TRPV3: variants seen among roughly 807,000 people sequenced by gnomAD.
TRPV3 encodes VRL-3.
In TRPV3, 88 loss-of-function variants were observed where a neutral mutation model predicts 87.1. The ratio of observed to expected loss-of-function variants is 1.01; its 90% confidence interval spans 0.85 to 1.21. TRPV3 has a LOEUF of 1.21. TRPV3 is among the 50% of genes most tolerant of loss of function. The pLI, the probability that TRPV3 is intolerant of heterozygous loss-of-function variation, is 0.00. For missense variants in TRPV3, 1,054 were observed against 1,030.1 expected (o/e 1.02, Z -0.32); for synonymous variants, 438 against 423.3 (o/e 1.03, Z -0.43).
chr17:3,536,260 G>C (rs1447930977), intron 6 of TRPV3, among the ~76,000 whole-genome samples: 1 of 148,956 alleles, frequency 6.7e-6, no homozygotes, highest in Non-Finnish European at 1.5e-5. Flanking sequence ...GGTGTTTTCA[G>C]ACCTCTCTGG....
At chr17:3,516,294 C>T (rs2074182710) in intron 16 of TRPV3, among the ~76,000 whole-genome samples, 163 bp downstream of exon 16, 1 of 152,168 alleles carries the variant, frequency 6.6e-6, no homozygotes, top group Non-Finnish European at 1.5e-5. Flanking sequence ...GGGCCTGCAA[C>T]CCCATAAGCA....
intron 1 of TRPV3, among the ~76,000 whole-genome samples, chr17:3,555,547 G>A (rs1241299247): frequency 6.6e-6 from 1 of 152,192 alleles, no homozygotes; most frequent in Non-Finnish European, 1.5e-5. Context: ...GCAGGGAGCA[G>A]CTGAGTCCCC....
In TRPV3 at chr17:3,543,493, G is replaced by A; in HGVS notation, c.447C>T (p.Arg149=). 6.2e-7 allele frequency: 1 copy of A among 1,613,444 alleles called. No individual in the cohort carries two copies. Among genetic ancestry groups the A allele is most frequent in the Non-Finnish European group, 8.5e-7 (1 of 1,179,992 alleles). ...LVELQELCRR[R]HDEDVPDFLM... The stretch of plus-strand genomic sequence containing the variant: ...ACTCACCAGGCACATCCTCATCATG[G>A]CGCCGCCTGCAAAGCTCCTGCAGCT... The change falls in exon 5 of 18, where the codon CGC becomes CGT. Residue 149 remains arginine (R), a synonymous_variant. Coordinates refer to ENST00000576742, the MANE Select transcript of TRPV3 (RefSeq NM_145068.4).
chr17:3,513,989 A>C lies in TRPV3; in HGVS notation c.2301T>G (p.Ser767=). Residue 767 remains serine (S), a synonymous_variant, in exon 18 of 18, where the codon TCT becomes TCG. Transcript: ENST00000576742. ...RRTDFNKIQD[S]SRNNSKTTLN... ...GAGTGGTTTTGCTGTTGTTCCTGGA[A>C]GAATCTTGGATTTTGTTGAAATCTG... is the stretch of plus-strand genomic sequence containing the variant. 1.2e-6 allele frequency: 2 copies of C among 1,613,972 alleles called. No homozygotes were observed. The highest frequency in any genetic ancestry group is 8.5e-7 in the Non-Finnish European group (1 of 1,179,898).
chr17:3,530,312 G>T lies in TRPV3; in HGVS notation c.1066-109C>A. ...CCCAGGGGATACACCCGCCCAGAAT[G>T]GGTGGAGACCTGCCTCTGCGCCTGG... On this transcript the variant is annotated intron_variant, in intron 8 of 17. Transcript: ENST00000576742. This position sits in a 1 kb window ranked among gnomAD's most constrained non-coding sequence, Gnocchi z 4.0. The T allele has an allele frequency of 8.9e-7, 1 of 1,120,930 alleles. No individual in the cohort carries two copies. Among genetic ancestry groups the T allele is most frequent in the Non-Finnish European group, 1.3e-6 (1 of 799,744 alleles). The allele number at this position is 1,120,930 out of a possible 1,614,324, so 69.4% of individuals were successfully genotyped here. A position where few individuals can be genotyped will look rare whatever the true frequency, so the allele number is the denominator to read the frequency against.
At chr17:3,551,311 C>G (rs1003670643) in intron 2 of TRPV3, among the ~76,000 whole-genome samples, 2 of 152,212 alleles carry the variant, frequency 1.3e-5, no homozygotes, top group African/African-American at 4.8e-5. Flanking sequence ...CCGTGAAGGT[C>G]TGTCCTGCGC....
At chr17:3,544,995 C>CA (rs1282599146) in intron 3 of TRPV3, among the ~76,000 whole-genome samples, 172 bp downstream of exon 3, 3 of 152,194 alleles carry the variant, frequency 2.0e-5, no homozygotes, top group Admixed American at 2.0e-4. Flanking sequence ...GCCTGGGCAA[C>CA]AGAGCGACAT....
chr17:3,548,270 G>A (rs1274498370), intron 2 of TRPV3, among the ~76,000 whole-genome samples: 1 of 152,178 alleles, frequency 6.6e-6, no homozygotes, highest in Middle Eastern at 3.2e-3. Flanking sequence ...AGCAGGAAAG[G>A]GACTGTGGCC....
In TRPV3 at chr17:3,554,786, T is replaced by A. The variant is rs1475037351; in HGVS notation, c.65A>T (p.Asn22Ile). Residue 22 changes from asparagine (N) to isoleucine (I), a missense_variant, in exon 2 of 18, where the codon AAC (asparagine) becomes ATC (isoleucine). Transcript: ENST00000576742. ...CCTCTTCTCTGGCAGGATGGCAGGGTTCCCACTGGGGGCAGCAACTCTCTT... is the reference window on the plus strand; with the variant it reads ...CCTCTTCTCTGGCAGGATGGCAGGGATCCCACTGGGGGCAGCAACTCTCTT... ...MGKRVAAPSG[N>I]PAILPEKRPA... The A allele has an allele frequency of 6.2e-7, 1 of 1,612,704 alleles. No individual in the cohort carries two copies. Among genetic ancestry groups the A allele is most frequent in the Non-Finnish European group, 8.5e-7 (1 of 1,179,576 alleles).
rs2074360036 is a variant in TRPV3, at chr17:3,532,725, G to A, written c.997C>T (p.Leu333=). The stretch of plus-strand genomic sequence containing the variant: ...CCATCGTTGTTGCGAGTGGTCTCCA[G>A]CTCCCAGTTGCCACTCCGCAGTAGG... ...MILLRSGNWE[L]ETTRNNDGLT... The change falls in exon 8 of 18, where the codon CTG becomes TTG. Residue 333 remains leucine, a synonymous_variant. Transcript: ENST00000576742. 1.2e-6 allele frequency: 2 copies of A among 1,614,154 alleles called. No homozygotes were observed. The highest frequency in any genetic ancestry group is 1.6e-4 in the Middle Eastern group (1 of 6,084).
rs925102 is a variant in TRPV3 at position 3,519,072 on chromosome 17, C to A, written c.1811-222G>T. ...CTAACAAAGCCCAGAGTCTTCTCTC[C>A]TTCCTTTACCCCGCAGTCTGCCCTT... On this transcript the variant is annotated intron_variant, in intron 14 of 17. Coordinates refer to ENST00000576742, the MANE Select transcript of TRPV3 (RefSeq NM_145068.4). 0.37 allele frequency among the ~76,000 whole-genome samples: 56,709 copies of A among 152,164 alleles called. 11,800 individuals are homozygous for A. The highest frequency in any genetic ancestry group is 0.47 in the Non-Finnish European group (31,885 of 67,998).
rs2074204019 is a variant in TRPV3 at position 3,518,519 on chromosome 17, A to C, written c.2085+57T>G. On this transcript the variant is annotated intron_variant, in intron 15 of 17. Coordinates refer to ENST00000576742, the MANE Select transcript of TRPV3 (RefSeq NM_145068.4). The surrounding 1 kb of genome is among the most constrained non-coding windows in gnomAD (Gnocchi z 4.3). ...CTGGTGCTGACAGTAGTCAATGACC[A>C]CGTGCTGAACTGAGTCCCGTGGAGG... is the stretch of plus-strand genomic sequence containing the variant. 34 of 1,501,624 alleles carry C rather than the reference A, an allele frequency of 2.3e-5. No homozygotes were observed. The South Asian group carries it at 4.6e-4, about 20-fold the overall frequency. The allele number at this position is 1,501,624 out of a possible 1,614,324, so 93.0% of individuals were successfully genotyped here.
At position 3,556,201 on chromosome 17, in the gene TRPV3, T is replaced by C. The variant is rs1432220430; in HGVS notation, c.-2-1349A>G. 8.8e-6 allele frequency among the ~76,000 whole-genome samples: 1 copy of C among 113,538 alleles called. No homozygotes were observed. The highest frequency in any genetic ancestry group is 2.9e-5 in the African/African-American group (1 of 34,954). The allele number at this position is 113,538 out of a possible 152,430, so 74.5% of individuals were successfully genotyped here. A position where few individuals can be genotyped will look rare whatever the true frequency, so the allele number is the denominator to read the frequency against. On this transcript the variant is annotated intron_variant, in intron 1 of 17. Transcript: ENST00000576742. The surrounding 1 kb of genome is among the most constrained non-coding windows in gnomAD (Gnocchi z 4.2). Reference sequence around the variant, plus strand: ...CAAAAAAAATGAAAAAAAAAAAAAATAAAGTTTTTATTAAACATAAAAAAG... The same window carrying C: ...CAAAAAAAATGAAAAAAAAAAAAAACAAAGTTTTTATTAAACATAAAAAAG...
At chr17:3,525,747 G>A (rs1878336322) in intron 12 of TRPV3, among the ~76,000 whole-genome samples, 1 of 151,798 alleles carries the variant, frequency 6.6e-6, no homozygotes, top group African/African-American at 2.4e-5. Flanking sequence ...AGCCTCCAGA[G>A]TAGCTGGGAT....
At chr17:3,515,522 G>T (rs1455893474) in intron 16 of TRPV3, among the ~76,000 whole-genome samples, 1 of 152,102 alleles carries the variant, frequency 6.6e-6, no homozygotes, top group Non-Finnish European at 1.5e-5. Flanking sequence ...TTATCCAGGC[G>T]TGGTGGCATA....
intron 15 of TRPV3, among the ~76,000 whole-genome samples, chr17:3,517,693 C>T (rs1296346595): frequency 6.6e-6 from 1 of 151,872 alleles, no homozygotes; most frequent in Non-Finnish European, 1.5e-5. Flanking sequence ...AGCTTTTCTC[C>T]CTGTAGTAAC....
At chr17:3,553,611 G>A (rs167738) in intron 2 of TRPV3, 47,578 of 152,010 alleles carry the variant, frequency 0.31, 8,538 homozygotes, top group South Asian at 0.43. Context: ...CCTCCTCCAG[G>A]AAGTCCCCTG....
chr17:3,552,800 C>T (rs1041844596), intron 2 of TRPV3: 2 of 152,274 alleles, frequency 1.3e-5, no homozygotes, highest in Non-Finnish European at 2.9e-5. Flanking sequence ...GTCCAAACCT[C>T]CCCTGGACAA....
At position 3,518,751 on chromosome 17, in the gene TRPV3, A is replaced by G. The variant is rs1225844154; in HGVS notation, c.1910T>C (p.Ile637Thr). Residue 637 changes from isoleucine to threonine, a missense_variant, in exon 15 of 18, where the codon ATA (isoleucine) becomes ACA (threonine). Ile to Thr is a moderately conservative substitution (Grantham distance 89, BLOSUM62 -1). Coordinates refer to ENST00000576742, the MANE Select transcript of TRPV3 (RefSeq NM_145068.4). This position sits in a 1 kb window ranked among gnomAD's most constrained non-coding sequence, Gnocchi z 4.3. ...DAVLELFKLT[I>T]GLGDLNIQQN... ...CTGGATGTTCAGGTCACCCAGGCCT[A>G]TGGTGAGCTTGAAGAGTTCCAGCAC... 6.2e-6 allele frequency: 10 copies of G among 1,614,050 alleles called. No homozygotes were observed. The highest frequency in any genetic ancestry group is 1.7e-5 in the Admixed American group (1 of 60,000).
Sources: allele counts gnomAD v4.1 joint callset (sites outside exome capture counted in the v4.1 genomes callset), GRCh38; gene constraint gnomAD v4.1.1; non-coding constraint Gnocchi (gnomAD v3.1); transcripts MANE v1.5; gene names NCBI Gene and HGNC (gene_info 2026-07-23, HGNC 2026-07-21).